C3orf52: variants seen among roughly 807,000 people sequenced by gnomAD.
The protein encoded by C3orf52 is chromosome 3 open reading frame 52, also known as TPA-induced transmembrane protein.
In C3orf52, 22 loss-of-function variants were observed where a neutral mutation model predicts 24.8. The observed-to-expected ratio is 0.89, with a 90% CI of 0.63 to 1.27. C3orf52 has a LOEUF of 1.27. Among genes scored for constraint, C3orf52 ranks in the 50% most tolerant of loss-of-function variants. C3orf52 has a pLI of 0.00. For missense variants in C3orf52, 265 were observed against 260.7 expected, an observed-to-expected ratio of 1.02 and a Z score of -0.11; for synonymous variants, 93 against 100.2, an observed-to-expected ratio of 0.93 and a Z score of 0.43.
At chr3:112,110,759 TC>T (rs1348976547) in intron 4 of C3orf52, among the ~76,000 whole-genome samples, 2 of 152,190 alleles carry the variant, frequency 1.3e-5, no homozygotes, top group African/African-American at 2.4e-5. Flanking sequence ...ATATTGAGAT[TC>T]CCCCTTCAAA....
chr3:112,109,575 G>A lies in C3orf52; in HGVS notation c.429G>A (p.Leu143=), dbSNP rs375590614. Reference sequence around the variant, plus strand: ...ATGTGTACAGTACATCGCCCTCTCTGGGTCGTTATTTTACTTCAGTTGAAA... The same window carrying A: ...ATGTGTACAGTACATCGCCCTCTCTAGGTCGTTATTTTACTTCAGTTGAAA... ...LTDVYSTSPS[L]GRYFTSVEIV... Residue 143 remains leucine (L), a synonymous_variant, in exon 4 of 6, where the codon CTG becomes CTA. Coordinates refer to ENST00000264848, the MANE Select transcript of C3orf52 (RefSeq NM_024616.3). 4.4e-6 allele frequency: 7 copies of A among 1,603,604 alleles called. No individual in the cohort carries two copies. In the African/African-American group the frequency reaches 9.4e-5, roughly 21 times the overall value.
chr3:112,109,513 G>A lies in C3orf52; in HGVS notation c.397-30G>A, dbSNP rs746480575. ...GTGTAATATGATCTGTCGGTAATGT[G>A]TGTGGTTTAATTTGCTTCTGTTTGT... On this transcript the variant is annotated intron_variant, in intron 3 of 5. Transcript: ENST00000264848. 7.8e-6 allele frequency: 11 copies of A among 1,418,090 alleles called. No homozygotes were observed. The Admixed American group carries it at 1.4e-4, about 18-fold the overall frequency. 87.8% of individuals were successfully genotyped at this position (1,418,090 alleles called of 1,614,324 possible).
rs187634990 is a variant in C3orf52, at chr3:112,128,126, C to T, written c.*47-107C>T. The T allele has an allele frequency of 8.6e-4, 1,262 of 1,467,486 alleles. 12 individuals are homozygous for T. The African/African-American group carries it at 0.015, about 18-fold the overall frequency. The allele number at this position is 1,467,486 out of a possible 1,614,324, so 90.9% of individuals were successfully genotyped here. A position where few individuals can be genotyped will look rare whatever the true frequency, so the allele number is the denominator to read the frequency against. On this transcript the variant is annotated intron_variant, in intron 4 of 4. Coordinates refer to the C3orf52 transcript ENST00000480282. ...TTCTGCAGCTTTGTTAAGGTGACTC[C>T]TTTCCTTTTGCCATTTCTGTGGAAA...
At chr3:112,115,124 G>A (rs915365831) in intron 5 of C3orf52, among the ~76,000 whole-genome samples, 3 of 152,236 alleles carry the variant, frequency 2.0e-5, no homozygotes, top group Non-Finnish European at 4.4e-5. Context: ...CTGAGAAAAT[G>A]TGGGGTTTTC....
downstream of C3orf52, among the ~76,000 whole-genome samples, chr3:112,135,852 C>T (rs1194026511): frequency 2.0e-5 from 3 of 152,132 alleles, no homozygotes; most frequent in Non-Finnish European, 4.4e-5. Context: ...CTTGTATAAT[C>T]TAGTTTGCAG....
chr3:112,130,466 C>T, downstream of C3orf52: 10 of 1,614,012 alleles, frequency 6.2e-6, no homozygotes, highest in Non-Finnish European at 8.5e-6. Flanking sequence ...CTGTTTGGGG[C>T]TTTGCATTCT....
chr3:112,094,625 T>C (rs569810381), intron 2 of C3orf52, among the ~76,000 whole-genome samples: 2 of 152,344 alleles, frequency 1.3e-5, no homozygotes, highest in South Asian at 4.1e-4. Context: ...TAAAAATTAT[T>C]TGTGAACATT....
chr3:112,091,485 C>T (rs1275833706), intron 1 of C3orf52, among the ~76,000 whole-genome samples: 3 of 152,070 alleles, frequency 2.0e-5, no homozygotes, highest in African/African-American at 4.8e-5. Flanking sequence ...ACCTAACTCC[C>T]GAAAGGTGGG....
chr3:112,104,355 G>A (rs1336826505), intron 3 of C3orf52, among the ~76,000 whole-genome samples: 4 of 152,196 alleles, frequency 2.6e-5, no homozygotes, highest in African/African-American at 9.7e-5. Context: ...ATCTAGGCAA[G>A]AGCAGGCTGC....
rs576572821 is a variant in C3orf52, at chr3:112,094,923, A to C, written c.268+1434A>C. Among the ~76,000 whole-genome samples the C allele has an allele frequency of 6.6e-5, 10 of 152,342 alleles. No homozygotes were observed. In the East Asian group the frequency reaches 1.9e-3, roughly 29 times the overall value. ...CAAACCCAGTCATAGAATGAGAAGAAGAAGGGGTAACTCCCCAGTCTCTCC... is the reference window on the plus strand; with the variant it reads ...CAAACCCAGTCATAGAATGAGAAGACGAAGGGGTAACTCCCCAGTCTCTCC... On this transcript the variant is annotated intron_variant, in intron 2 of 5. Transcript: ENST00000264848.
At chr3:112,106,449 C>A (rs2074026364) in intron 3 of C3orf52, among the ~76,000 whole-genome samples, 1 of 152,090 alleles carries the variant, frequency 6.6e-6, no homozygotes, top group East Asian at 1.9e-4. Context: ...GATGATCAGC[C>A]CCCATCCAGC....
intron 4 of C3orf52, among the ~76,000 whole-genome samples, chr3:112,127,834 G>A (rs1235742406): frequency 6.6e-6 from 1 of 152,148 alleles, no homozygotes; most frequent in Non-Finnish European, 1.5e-5. Flanking sequence ...CGACCCATGA[G>A]ACTATTGTTC....
exon 5 of C3orf52, chr3:112,128,596 C>A (rs2074383377): frequency 4.8e-6 from 1 of 208,708 alleles, no homozygotes; most frequent in African/African-American, 2.3e-5. Flanking sequence ...TATGACACAA[C>A]ATCTGGCACA....
At chr3:112,115,699 G>A (rs969434486) in intron 5 of C3orf52, among the ~76,000 whole-genome samples, 7 of 152,080 alleles carry the variant, frequency 4.6e-5, no homozygotes, top group Admixed American at 1.3e-4. Flanking sequence ...GTATATGTGC[G>A]CTTTAGAAGC....
chr3:112,105,943 G>T (rs2074019570), intron 3 of C3orf52, among the ~76,000 whole-genome samples: 1 of 152,076 alleles, frequency 6.6e-6, no homozygotes. Flanking sequence ...TTGGTCATTT[G>T]CTAGAATGGC....
In C3orf52 at chr3:112,093,347, T is replaced by A. The variant is rs371754584; in HGVS notation, c.139-13T>A. The A allele has an allele frequency of 6.2e-7, 1 of 1,613,464 alleles. No homozygotes were observed. Among genetic ancestry groups the A allele is most frequent in the East Asian group, 2.2e-5 (1 of 44,876 alleles). ...CACAATGACTGCCTCACAATCTCCC[T>A]CTGCCTTTCTAGGCTAACAAGGAAA... On this transcript the variant is annotated splice_polypyrimidine_tract_variant and intron_variant, in intron 1 of 5. Coordinates refer to ENST00000264848, the MANE Select transcript of C3orf52 (RefSeq NM_024616.3).
downstream of C3orf52, chr3:112,133,215 T>G (rs2074501259): frequency 7.3e-7 from 1 of 1,365,450 alleles, no homozygotes; most frequent in African/African-American, 1.4e-5. Context: ...AAGAAAGGGC[T>G]GTGTGGCTCT....
intron 4 of C3orf52, among the ~76,000 whole-genome samples, chr3:112,127,207 T>G (rs542519464): frequency 6.6e-6 from 1 of 152,308 alleles, no homozygotes; most frequent in African/African-American, 2.4e-5. Context: ...TGAGGCCAAA[T>G]AGAAATATAT....
chr3:112,119,475 G>T (rs946610210), downstream of C3orf52: 6 of 702,826 alleles, frequency 8.5e-6, no homozygotes, highest in Non-Finnish European at 1.3e-5. Flanking sequence ...GTAGGAAGTA[G>T]GACTGAAGCC....
Sources: allele counts gnomAD v4.1 joint callset (sites outside exome capture counted in the v4.1 genomes callset), GRCh38; gene constraint gnomAD v4.1.1; transcripts MANE v1.5; gene names NCBI Gene and HGNC (gene_info 2026-07-23, HGNC 2026-07-21).